The following SLC14A2 variants were observed in gnomAD, a reference collection of about 807,000 sequenced individuals.
The protein encoded by SLC14A2 is urea transporter 2.
Under a neutral mutation model 104.6 loss-of-function variants are expected in SLC14A2, and 91 were observed. The ratio of observed to expected loss-of-function variants is 0.87; its 90% CI spans 0.73 to 1.04. SLC14A2 has a LOEUF of 1.04. Among genes scored for constraint, SLC14A2 ranks in the 50% least tolerant of loss-of-function variants. The probability of loss-of-function intolerance (pLI) is 0.00; values close to 1 mark genes in which losing one functional copy is unlikely to be tolerated. For synonymous variants in SLC14A2, 476 were observed against 466.4 expected (o/e 1.02, Z -0.27); for missense variants, 1,189 against 1,156.0 (o/e 1.03, Z -0.41).
chr18:45,192,426 A>G, the SLC14A2 span, among the ~76,000 whole-genome samples: 1 of 152,170 alleles, frequency 6.6e-6, no homozygotes, highest in Non-Finnish European at 1.5e-5. Flanking sequence ...ATTTGCCTTG[A>G]GTAATAAGGA....
At chr18:45,267,454 A>G (rs964326911) in intron 1 of SLC14A2, among the ~76,000 whole-genome samples, 4 of 152,156 alleles carry the variant, frequency 2.6e-5, no homozygotes, top group Non-Finnish European at 5.9e-5. Context: ...TTTTAGACTC[A>G]TGGCATCCAT....
chr18:45,394,171 G>T (rs1402000512), intron 1 of SLC14A2, among the ~76,000 whole-genome samples: 1 of 152,144 alleles, frequency 6.6e-6, no homozygotes, highest in African/African-American at 2.4e-5. Flanking sequence ...CCAATCAATT[G>T]TTTGCAAAAT....
chr18:45,526,137 T>C (rs180693737), intron 2 of SLC14A2, among the ~76,000 whole-genome samples: 7 of 152,372 alleles, frequency 4.6e-5, no homozygotes, highest in African/African-American at 1.7e-4. Context: ...GCTATAAGTA[T>C]CTGGGTTATG....
intron 1 of SLC14A2, among the ~76,000 whole-genome samples, chr18:45,468,100 G>A (rs1371956712): frequency 6.6e-6 from 1 of 152,114 alleles, no homozygotes; most frequent in East Asian, 1.9e-4. Flanking sequence ...TCCGCTGGAG[G>A]ATCTTCATTT....
rs146123062 is a variant in SLC14A2 at position 45,423,552 on chromosome 18, A to C, written c.-124-59681A>C. On this transcript the variant is annotated intron_variant, in intron 1 of 20. Coordinates refer to the SLC14A2 transcript ENST00000586448. ...CCTTAGTGAGCATCTGGCCTATCCC[A>C]CCTATTTTATGGGTGAAGACAATGA... Among the ~76,000 whole-genome samples, 741 of 152,286 alleles carry C rather than the reference A, an allele frequency of 4.9e-3. 7 individuals are homozygous for C. The highest frequency in any genetic ancestry group is 0.017 in the African/African-American group (707 of 41,550).
chr18:45,385,043 G>C (rs1373376281), intron 1 of SLC14A2, among the ~76,000 whole-genome samples: 4 of 152,222 alleles, frequency 2.6e-5, no homozygotes, highest in Non-Finnish European at 4.4e-5. Context: ...GAGAACATCA[G>C]GATATTGTAA....
intron 2 of SLC14A2, among the ~76,000 whole-genome samples, chr18:45,498,756 T>C (rs2043143503): frequency 6.6e-6 from 1 of 152,202 alleles, no homozygotes; most frequent in Non-Finnish European, 1.5e-5. Context: ...GAGAGAGAAC[T>C]TTCCTTGGTC....
intron 4 of SLC14A2, among the ~76,000 whole-genome samples, chr18:45,629,037 T>C (rs56225322): frequency 6.6e-6 from 1 of 152,160 alleles, no homozygotes; most frequent in East Asian, 1.9e-4. Flanking sequence ...GACTTAGGCT[T>C]GGAGGCATGA....
intron 10 of SLC14A2, among the ~76,000 whole-genome samples, chr18:45,649,359 C>T (rs1442858104): frequency 6.6e-6 from 1 of 152,154 alleles, no homozygotes; most frequent in Middle Eastern, 3.2e-3. Context: ...AATGCTTTTA[C>T]TTCTCCAGCT....
intron 1 of SLC14A2, among the ~76,000 whole-genome samples, chr18:45,457,675 G>T (rs1598849051): frequency 9.5e-6 from 1 of 105,042 alleles, no homozygotes. Context: ...CAATCAGAAA[G>T]GTTATGGAGG....
rs144757638 is a variant in SLC14A2, at chr18:45,268,692, A to G, written c.-125+55501A>G. Reference sequence around the variant, plus strand: ...ACTCAAAGGTAGTGGACAGGTGGTAAAAAGTCTGGACTGCAGGCATTTCAT... The same window carrying G: ...ACTCAAAGGTAGTGGACAGGTGGTAGAAAGTCTGGACTGCAGGCATTTCAT... On this transcript the variant is annotated intron_variant, in intron 1 of 20. Coordinates refer to the SLC14A2 transcript ENST00000586448. Among the ~76,000 whole-genome samples, 996 of 152,316 alleles carry G rather than the reference A, an allele frequency of 6.5e-3. 2 individuals carry two copies. The highest frequency in any genetic ancestry group is 0.011 in the Non-Finnish European group (773 of 68,020).
intron 1 of SLC14A2, among the ~76,000 whole-genome samples, chr18:45,618,598 G>C (rs987941461): frequency 6.7e-6 from 1 of 149,336 alleles, no homozygotes; most frequent in Non-Finnish European, 1.5e-5. Flanking sequence ...GAACCTGGGA[G>C]GAGGAGGTTG....
chr18:45,535,983 C>T (rs1307354680), intron 2 of SLC14A2, among the ~76,000 whole-genome samples: 1 of 152,222 alleles, frequency 6.6e-6, no homozygotes, highest in Non-Finnish European at 1.5e-5. Context: ...GGACTGTCAA[C>T]ATCTTAAGCC....
At chr18:45,482,828 G>A (rs1213570147) in intron 1 of SLC14A2, among the ~76,000 whole-genome samples, 14 of 152,312 alleles carry the variant, frequency 9.2e-5, no homozygotes, top group Middle Eastern at 3.4e-3. Flanking sequence ...ACACAAGGGG[G>A]TGGGGATCAA....
At chr18:45,473,138 T>C (rs996435509) in intron 1 of SLC14A2, among the ~76,000 whole-genome samples, 24 of 152,250 alleles carry the variant, frequency 1.6e-4, no homozygotes, top group African/African-American at 5.8e-4. Context: ...TAGGGAATCC[T>C]TTCTCCATTG....
At chr18:45,422,502 G>A (rs78860033) in intron 1 of SLC14A2, among the ~76,000 whole-genome samples, 2,425 of 152,274 alleles carry the variant, frequency 0.016, 59 homozygotes, top group African/African-American at 0.055. Context: ...TAGGCTAAGC[G>A]TGAGGTGGAA....
intron 1 of SLC14A2, among the ~76,000 whole-genome samples, chr18:45,622,924 G>T (rs1024145512): frequency 6.6e-6 from 1 of 152,176 alleles, no homozygotes; most frequent in African/African-American, 2.4e-5. Context: ...CAATCTACTC[G>T]GTTATTACCC....
chr18:45,177,347 C>A, the SLC14A2 span, among the ~76,000 whole-genome samples: 1 of 152,184 alleles, frequency 6.6e-6, no homozygotes, highest in Non-Finnish European at 1.5e-5. Flanking sequence ...AATCACTACA[C>A]TGCTTAAAAC....
At chr18:45,520,787 C>A (rs1290996323) in intron 2 of SLC14A2, among the ~76,000 whole-genome samples, 1 of 152,084 alleles carries the variant, frequency 6.6e-6, no homozygotes, top group African/African-American at 2.4e-5. Flanking sequence ...CTCTCTAGAC[C>A]AGAGAGAACA....
Sources: allele counts gnomAD v4.1 joint callset (sites outside exome capture counted in the v4.1 genomes callset), GRCh38; gene constraint gnomAD v4.1.1; transcripts MANE v1.5; gene names NCBI Gene and HGNC (gene_info 2026-07-23, HGNC 2026-07-21).